Variants in DIP2C observed in about 807,000 individuals in gnomAD.
DIP2C encodes the protein disco-interacting protein 2 homolog C.
A neutral mutation model predicts 192.4 loss-of-function variants in DIP2C; 33 were observed. The ratio of observed to expected loss-of-function variants is 0.17; its 90% CI spans 0.13 to 0.23. DIP2C has a LOEUF of 0.23. DIP2C is among the 10% of genes least tolerant of loss of function. The pLI is 1.00. For missense variants in DIP2C, 1,537 were observed against 2,110.1 expected, an observed-to-expected ratio of 0.73 and a Z score of 5.32; for synonymous variants, 979 against 864.1, an observed-to-expected ratio of 1.13 and a Z score of -2.33.
At chr10:610,556 A>C (rs1443834352) in intron 1 of DIP2C, among the ~76,000 whole-genome samples, 2 of 152,268 alleles carry the variant, frequency 1.3e-5, no homozygotes, top group Non-Finnish European at 2.9e-5. Flanking sequence ...CCCTGAAAAT[A>C]TGTACATATA....
intron 1 of DIP2C, among the ~76,000 whole-genome samples, chr10:580,155 TAC>T (rs1291014012): frequency 1.3e-5 from 2 of 152,166 alleles, no homozygotes; most frequent in Non-Finnish European, 2.9e-5. Context: ...ATATCCGATG[TAC>T]AGTGCACTAC....
chr10:619,549 A>ACCCTCCCG (rs1297454647), intron 1 of DIP2C, among the ~76,000 whole-genome samples: 289 of 14,624 alleles, frequency 0.02, 2 homozygotes, highest in African/African-American at 0.073. Context: ...CCGCCCTCCC[A>ACCCTCCCG]CCCAGCTCCT....
At chr10:633,663 C>T (rs1455658609) in intron 1 of DIP2C, among the ~76,000 whole-genome samples, 1 of 152,232 alleles carries the variant, frequency 6.6e-6, no homozygotes, top group Non-Finnish European at 1.5e-5. Flanking sequence ...GTTTTTAAAA[C>T]TGCTCGGCTC....
rs1419459130 is a variant in DIP2C at position 390,007 on chromosome 10, C to G, written c.1581G>C (p.Ala527=). The change falls in exon 13 of 37, where the codon GCG becomes GCC. Residue 527 remains alanine (A), a synonymous_variant. Coordinates refer to ENST00000280886, the MANE Select transcript of DIP2C (RefSeq NM_014974.3). ...GCACCCCACCTTCCGTGTAGCCACA[C>G]GCCTGCGTCAGGGCCTGGCAGTGTG... ...LLTHCQALTQ[A]CGYTEAETIV... 6.2e-7 allele frequency: 1 copy of G among 1,613,730 alleles called. No individual in the cohort carries two copies. The highest frequency in any genetic ancestry group is 1.7e-5 in the Admixed American group (1 of 59,990).
chr10:677,750 G>A (rs1830923502), intron 1 of DIP2C, among the ~76,000 whole-genome samples: 1 of 152,188 alleles, frequency 6.6e-6, no homozygotes, highest in East Asian at 1.9e-4. Flanking sequence ...CTCGGAACAG[G>A]GGATGGTGAA....
intron 1 of DIP2C, among the ~76,000 whole-genome samples, chr10:488,344 C>T (rs1844169652): frequency 1.3e-5 from 2 of 152,194 alleles, no homozygotes; most frequent in African/African-American, 4.8e-5. Flanking sequence ...CAGTGCAGCT[C>T]TTCACAGGAG....
chr10:553,657 A>G (rs368713187), intron 1 of DIP2C, among the ~76,000 whole-genome samples: 16 of 152,278 alleles, frequency 1.1e-4, no homozygotes, highest in East Asian at 5.8e-4. Flanking sequence ...ACATCATAGA[A>G]GAAAAGGTAT....
At chr10:683,388 T>C (rs1416770226) in intron 1 of DIP2C, among the ~76,000 whole-genome samples, 2 of 152,224 alleles carry the variant, frequency 1.3e-5, no homozygotes, top group Non-Finnish European at 2.9e-5. Flanking sequence ...ATGCAATTAC[T>C]TCTTTTGAGA....
At chr10:611,488 T>C (rs901580124) in intron 1 of DIP2C, among the ~76,000 whole-genome samples, 7 of 152,184 alleles carry the variant, frequency 4.6e-5, no homozygotes, top group African/African-American at 1.7e-4. Context: ...TTTGGGAAAC[T>C]AACTTTCCCC....
chr10:390,473 G>C (rs554349336), intron 11 of DIP2C, 100 bp from the exon 12 acceptor site: 7 of 1,221,268 alleles, frequency 5.7e-6, no homozygotes, highest in African/African-American at 1.5e-5. Context: ...ACGTCAACTA[G>C]ATCGAATCTC....
At chr10:667,748 GCA>G (rs1173862609) in intron 1 of DIP2C, 4 of 150,542 alleles carry the variant, frequency 2.7e-5, no homozygotes, top group Non-Finnish European at 4.4e-5. Flanking sequence ...CACTCATACA[GCA>G]CACACAACTC....
intron 1 of DIP2C, among the ~76,000 whole-genome samples, chr10:580,914 A>C (rs1177913886): frequency 6.6e-6 from 1 of 152,182 alleles, no homozygotes; most frequent in East Asian, 1.9e-4. Flanking sequence ...ACTCACGATG[A>C]AGCACTCCTT....
chr10:531,167 CAG>C (rs1326789423), intron 1 of DIP2C, among the ~76,000 whole-genome samples: 3 of 152,198 alleles, frequency 2.0e-5, no homozygotes, highest in African/African-American at 7.2e-5. Flanking sequence ...AAGGTGAACA[CAG>C]ATGTTACAGG....
In DIP2C at chr10:506,426, GC is replaced by G. The variant is rs770075925; in HGVS notation, c.86-19897del. On this transcript the variant is annotated intron_variant, in intron 1 of 36. Coordinates refer to ENST00000280886, the MANE Select transcript of DIP2C (RefSeq NM_014974.3). ...CAGTTGGGAAATCTCAGTGTGTGTA[GC>G]CCTGGGGTCTGAGGCTTTCAACTGT... is the stretch of plus-strand genomic sequence containing the variant. Among the ~76,000 whole-genome samples, 115 of 152,270 alleles carry G rather than the reference GC, an allele frequency of 7.6e-4. 1 individual carries two copies. Among genetic ancestry groups the G allele is most frequent in the Non-Finnish European group, 1.4e-3 (92 of 68,008 alleles).
At chr10:492,923 T>C (rs936671571) in intron 1 of DIP2C, among the ~76,000 whole-genome samples, 2 of 152,220 alleles carry the variant, frequency 1.3e-5, no homozygotes, top group Non-Finnish European at 2.9e-5. Flanking sequence ...AATAAGCTTC[T>C]GATGTTAAAA....
At chr10:382,580 G>T (rs1041550337) in intron 17 of DIP2C, 67 bp downstream of exon 17, 1 of 1,272,326 alleles carries the variant, frequency 7.9e-7, no homozygotes, top group Non-Finnish European at 1.1e-6. Flanking sequence ...AGGATTTCCT[G>T]ATCTCCCTTC....
At chr10:610,991 T>C (rs754270944) in intron 1 of DIP2C, among the ~76,000 whole-genome samples, 52 of 148,300 alleles carry the variant, frequency 3.5e-4, no homozygotes, top group Admixed American at 8.0e-4. Context: ...CGGGGGTGCT[T>C]TCTAACCCCC....
In DIP2C at chr10:364,507, C is replaced by G; in HGVS notation, c.2344G>C (p.Gly782Arg). 6.2e-7 allele frequency: 1 copy of G among 1,614,050 alleles called. No individual in the cohort carries two copies. Among genetic ancestry groups the G allele is most frequent in the East Asian group, 2.2e-5 (1 of 44,888 alleles). ...ACCACGAAGACGAGGCCTCCGGGACCCACGAACCCCAGCAAGCCTGTCCTT... is the reference window on the plus strand; with the variant it reads ...ACCACGAAGACGAGGCCTCCGGGACGCACGAACCCCAGCAAGCCTGTCCTT... ...FIRTGLLGFV[G>R]PGGLVFVVGK... The change falls in exon 20 of 37, where the codon GGT (glycine) becomes CGT (arginine). Residue 782 changes from glycine to arginine, a missense_variant. By Grantham distance (125) the Gly-to-Arg change is moderately radical. Around this residue, in one of 4 missense-constraint regions of DIP2C, gnomAD observed 677 missense variants for 989.9 expected, o/e 0.68. Coordinates refer to ENST00000280886, the MANE Select transcript of DIP2C (RefSeq NM_014974.3).
At chr10:659,812 T>C (rs1395026107) in intron 1 of DIP2C, among the ~76,000 whole-genome samples, 1 of 152,250 alleles carries the variant, frequency 6.6e-6, no homozygotes, top group Non-Finnish European at 1.5e-5. Flanking sequence ...AAAGCGTTTC[T>C]GTCTGAGTGA....
Sources: allele counts gnomAD v4.1 joint callset (sites outside exome capture counted in the v4.1 genomes callset), GRCh38; gene constraint gnomAD v4.1.1; regional missense constraint gnomAD v4.1.1; transcripts MANE v1.5; gene names NCBI Gene and HGNC (gene_info 2026-07-23, HGNC 2026-07-21).